Variants in CFAP263 observed in about 807,000 individuals in gnomAD.
CFAP263 encodes cilia- and flagella-associated protein 263.
At chr16:58,267,961 G>A in the CFAP263 span, among the ~76,000 whole-genome samples, 50 of 151,812 alleles carry the variant, frequency 3.3e-4, no homozygotes, top group African/African-American at 1.1e-3. Flanking sequence ...AAGTGCATAT[G>A]CCAAAATAGA....
At chr16:58,278,265 CTATT>C in the CFAP263 span, among the ~76,000 whole-genome samples, 16,367 of 152,014 alleles carry the variant, frequency 0.11, 987 homozygotes, top group Admixed American at 0.13. Context: ...AGAAACAAGA[CTATT>C]TAGACTGCAC....
At chr16:58,274,528 G>A in the CFAP263 span, among the ~76,000 whole-genome samples, 1 of 152,212 alleles carries the variant, frequency 6.6e-6, no homozygotes, top group African/African-American at 2.4e-5. Context: ...CATGGGTGCA[G>A]TTTACCCAAT....
the CFAP263 span, among the ~76,000 whole-genome samples, chr16:58,257,283 C>T: frequency 8.9e-6 from 1 of 112,026 alleles, no homozygotes; most frequent in African/African-American, 2.7e-5. Flanking sequence ...TCCCAAAGTG[C>T]TGGGATTACA....
At chr16:58,270,794 T>G in the CFAP263 span, among the ~76,000 whole-genome samples, 7 of 152,200 alleles carry the variant, frequency 4.6e-5, no homozygotes, top group Non-Finnish European at 8.8e-5. Context: ...TTTTAAATAG[T>G]GTGAGCGAGG....
chr16:58,262,763 G>GTAGATAGA, the CFAP263 span, among the ~76,000 whole-genome samples: 8,242 of 78,458 alleles, frequency 0.11, 283 homozygotes, highest in South Asian at 0.2. Context: ...TAGATGATAG[G>GTAGATAGA]TAGATAGATA....
chr16:58,252,665 C>T, the CFAP263 span: 27 of 1,452,600 alleles, frequency 1.9e-5, no homozygotes, highest in South Asian at 2.5e-4. Context: ...AGTTATTAAA[C>T]ACTAGTTATT....
the CFAP263 span, among the ~76,000 whole-genome samples, chr16:58,258,941 G>A: frequency 6.6e-6 from 1 of 151,802 alleles, no homozygotes; most frequent in African/African-American, 2.4e-5. Flanking sequence ...TCATGCCACT[G>A]CACTCCAGCC....
chr16:58,252,759 A>G, the CFAP263 span: 3 of 1,612,820 alleles, frequency 1.9e-6, no homozygotes, highest in East Asian at 6.7e-5. Flanking sequence ...ACTGAGACTG[A>G]GATGTTTGAG....
the CFAP263 span, among the ~76,000 whole-genome samples, chr16:58,260,399 A>AT: frequency 6.6e-6 from 1 of 152,190 alleles, no homozygotes. Context: ...GAACTGTAAG[A>AT]TAATAAATTT....
the CFAP263 span, chr16:58,254,081 A>C: frequency 6.2e-7 from 1 of 1,614,224 alleles, no homozygotes; most frequent in Non-Finnish European, 8.5e-7. Context: ...TTGAGCTGGT[A>C]CAAAAAGAGG....
At chr16:58,281,123 C>A in the CFAP263 span, 1 of 223,734 alleles carries the variant, frequency 4.5e-6, no homozygotes, top group Non-Finnish European at 8.9e-6. Flanking sequence ...ATTTTCCCTT[C>A]TCTGCCTTGC....
chr16:58,254,092 T>C, the CFAP263 span: 1 of 1,613,880 alleles, frequency 6.2e-7, no homozygotes, highest in Non-Finnish European at 8.5e-7. Flanking sequence ...CAAAAAGAGG[T>C]TGCGGACATG....
the CFAP263 span, among the ~76,000 whole-genome samples, chr16:58,264,940 C>T: frequency 6.6e-6 from 1 of 152,228 alleles, no homozygotes; most frequent in Non-Finnish European, 1.5e-5. Context: ...AGCATTTAGA[C>T]AGCACCAGGC....
chr16:58,277,351 A>G, the CFAP263 span, among the ~76,000 whole-genome samples: 3 of 151,822 alleles, frequency 2.0e-5, no homozygotes, highest in Middle Eastern at 3.4e-3. Context: ...CTGGTCTCAA[A>G]CTCCTGACCT....
the CFAP263 span, among the ~76,000 whole-genome samples, chr16:58,261,212 C>T: frequency 6.6e-6 from 1 of 152,152 alleles, no homozygotes; most frequent in Non-Finnish European, 1.5e-5. Context: ...CCACTGTCTC[C>T]AAGTGCTCAG....
the CFAP263 span, chr16:58,262,646 C>T: frequency 5.0e-6 from 5 of 1,009,066 alleles, no homozygotes; most frequent in East Asian, 1.2e-4. Flanking sequence ...CGTTTGGGTG[C>T]CCCCTCGCTG....
At chr16:58,275,194 T>C in the CFAP263 span, among the ~76,000 whole-genome samples, 18 of 152,152 alleles carry the variant, frequency 1.2e-4, no homozygotes, top group Admixed American at 1.1e-3. Flanking sequence ...ATTGAAACAA[T>C]GGAAGGTGCA....
At chr16:58,282,045 G>GT in the CFAP263 span, 2 of 132,010 alleles carry the variant, frequency 1.5e-5, no homozygotes, top group African/African-American at 5.9e-5. Context: ...GTCTTGCTCT[G>GT]TCCCCCATGC....
the CFAP263 span, among the ~76,000 whole-genome samples, chr16:58,271,676 T>C: frequency 0.91 from 138,516 of 152,246 alleles, 63,091 homozygotes; most frequent in East Asian, 0.99. Context: ...CTCATAATTA[T>C]ATTGGGGTTT....
Sources: gnomAD v4.1 joint callset for allele counts (sites outside exome capture counted in the v4.1 genomes callset) on GRCh38, gnomAD v4.1.1 for gene constraint, MANE v1.5 for transcripts, NCBI Gene and HGNC (gene_info 2026-07-23, HGNC 2026-07-21) for gene names.